Variants in NFIB observed in about 807,000 individuals in gnomAD.
NFIB encodes nuclear factor I B.
In NFIB, 11 loss-of-function variants were observed where a neutral mutation model predicts 61.5. The ratio of observed to expected loss-of-function variants is 0.18; its 90% confidence interval spans 0.11 to 0.30. NFIB has a LOEUF of 0.30. NFIB is among the 10% of genes least tolerant of loss of function. NFIB has a pLI of 1.00. For synonymous variants in NFIB, 260 were observed against 216.5 expected (o/e 1.20, Z -1.76); for missense variants, 471 against 608.9 (o/e 0.77, Z 2.38).
chr9:14,380,435 G>T (rs887784803), intron 1 of NFIB, among the ~76,000 whole-genome samples: 2 of 152,088 alleles, frequency 1.3e-5, no homozygotes, highest in Non-Finnish European at 2.9e-5. Context: ...AAAATGTATC[G>T]GCACAGGTTA....
At chr9:14,272,550 AG>A (rs796895819) in intron 2 of NFIB, among the ~76,000 whole-genome samples, 7 of 152,220 alleles carry the variant, frequency 4.6e-5, no homozygotes, top group African/African-American at 1.7e-4. Flanking sequence ...ATTCTTTTCT[AG>A]CATTTGTGCT....
the NFIB span, among the ~76,000 whole-genome samples, chr9:14,459,123 A>G: frequency 2.0e-5 from 3 of 152,094 alleles, no homozygotes; most frequent in African/African-American, 7.2e-5. Flanking sequence ...ACTATACTAC[A>G]AGGTTACAGT....
the NFIB span, among the ~76,000 whole-genome samples, chr9:14,460,896 A>G: frequency 1.1e-4 from 17 of 151,794 alleles, no homozygotes; most frequent in East Asian, 3.1e-3. Flanking sequence ...TCCTTTCCCT[A>G]TCTTGTTCCA....
chr9:14,441,676 G>C, the NFIB span, among the ~76,000 whole-genome samples: 1 of 151,886 alleles, frequency 6.6e-6, no homozygotes, highest in African/African-American at 2.4e-5. Context: ...GGGGGGTCAA[G>C]ATGGGCTTGA....
the NFIB span, among the ~76,000 whole-genome samples, chr9:14,438,753 C>A: frequency 6.6e-6 from 1 of 152,034 alleles, no homozygotes; most frequent in South Asian, 2.1e-4. Context: ...ACCTCGTGAG[C>A]GGGGGCTGAT....
At chr9:14,456,901 T>A in the NFIB span, among the ~76,000 whole-genome samples, 1 of 152,172 alleles carries the variant, frequency 6.6e-6, no homozygotes, top group African/African-American at 2.4e-5. Flanking sequence ...AAATGCAGAA[T>A]TGTTTGCAAA....
At chr9:14,147,848 C>T (rs1412391165) in intron 5 of NFIB, among the ~76,000 whole-genome samples, 1 of 151,762 alleles carries the variant, frequency 6.6e-6, no homozygotes, top group East Asian at 1.9e-4. Flanking sequence ...TGCTATTTTG[C>T]CCTGGCTGGT....
chr9:14,377,590 G>C (rs1268773802), intron 1 of NFIB, among the ~76,000 whole-genome samples: 1 of 152,196 alleles, frequency 6.6e-6, no homozygotes, highest in Non-Finnish European at 1.5e-5. Flanking sequence ...GAAGCTTTTG[G>C]TAGGGGAAGA....
chr9:14,157,263 C>G (rs1056178111), intron 3 of NFIB, among the ~76,000 whole-genome samples: 2 of 152,176 alleles, frequency 1.3e-5, no homozygotes, highest in African/African-American at 2.4e-5. Flanking sequence ...ATCCGCAAAT[C>G]TTTATTCAGA....
upstream of NFIB, chr9:14,314,277 C>T: frequency 4.0e-6 from 2 of 504,804 alleles, no homozygotes; most frequent in Non-Finnish European, 5.2e-6. Context: ...GCGCGTGGTC[C>T]CCGGCAGCAG....
intron 2 of NFIB, among the ~76,000 whole-genome samples, chr9:14,238,089 G>C (rs2132012461): frequency 6.6e-6 from 1 of 152,098 alleles, no homozygotes; most frequent in South Asian, 2.1e-4. Flanking sequence ...TAGCTGGAGT[G>C]GTAGGAGATT....
intron 1 of NFIB, among the ~76,000 whole-genome samples, chr9:14,350,049 G>C (rs1267257736): frequency 6.6e-6 from 1 of 152,146 alleles, no homozygotes; most frequent in Non-Finnish European, 1.5e-5. Context: ...ACGCACGCAC[G>C]GGTGGGCTTT....
At position 14,304,781 on chromosome 9, in the gene NFIB, G is replaced by A. The variant is rs73641903; in HGVS notation, c.562+2208C>T. Among the ~76,000 whole-genome samples, 144 of 152,248 alleles carry A rather than the reference G, an allele frequency of 9.5e-4. 2 individuals are homozygous for A. The highest frequency in any genetic ancestry group is 3.3e-3 in the African/African-American group (138 of 41,530). On this transcript the variant is annotated intron_variant, in intron 2 of 10. Coordinates refer to ENST00000380953, the MANE Select transcript of NFIB (RefSeq NM_001190737.2). ...GCGATATGCAGCCCTCTAACTGACCGGAGAATTATCTTTTAAAATCTGCCT... is the reference window on the plus strand; with the variant it reads ...GCGATATGCAGCCCTCTAACTGACCAGAGAATTATCTTTTAAAATCTGCCT...
chr9:14,475,375 G>A, the NFIB span, among the ~76,000 whole-genome samples: 1 of 152,202 alleles, frequency 6.6e-6, no homozygotes, highest in African/African-American at 2.4e-5. Context: ...GTGATAAAAT[G>A]AAGAGGCTAT....
At chr9:14,227,993 T>C (rs1235478622) in intron 2 of NFIB, among the ~76,000 whole-genome samples, 1 of 152,184 alleles carries the variant, frequency 6.6e-6, no homozygotes, top group African/African-American at 2.4e-5. Context: ...GTTTTTATTT[T>C]TAACTCATTA....
chr9:14,331,771 C>T (rs772233503), intron 1 of NFIB, among the ~76,000 whole-genome samples: 17 of 152,276 alleles, frequency 1.1e-4, no homozygotes, highest in Non-Finnish European at 1.8e-4. Flanking sequence ...CCCTTACCTT[C>T]GAAAATCATG....
In NFIB at chr9:14,225,474, AAAAAAAG is replaced by A. The variant is rs1450270764; in HGVS notation, c.563-45701_563-45695del. On this transcript the variant is annotated intron_variant, in intron 2 of 10. Transcript: ENST00000380953. Reference sequence around the variant, plus strand: ...TCCGTCTCAAAAAAAAAAAAAAAAAAAAAAAAGAAGAAGAAGAAAATAGGTAATATGA... The same window carrying A: ...TCCGTCTCAAAAAAAAAAAAAAAAAAAAGAAGAAGAAAATAGGTAATATGA... Among the ~76,000 whole-genome samples, 746 of 92,656 alleles carry A rather than the reference AAAAAAAG, an allele frequency of 8.1e-3. 6 individuals are homozygous for A. Among genetic ancestry groups the A allele is most frequent in the South Asian group, 0.031 (72 of 2,320 alleles). The allele number at this position is 92,656 out of a possible 152,430, so 60.8% of individuals were successfully genotyped here.
At chr9:14,464,057 A>G in the NFIB span, among the ~76,000 whole-genome samples, 1 of 152,196 alleles carries the variant, frequency 6.6e-6, no homozygotes, top group Non-Finnish European at 1.5e-5. Context: ...TCAAGAAAAG[A>G]AAAACCACTT....
At chr9:14,513,534 C>T in the NFIB span, among the ~76,000 whole-genome samples, 1 of 149,950 alleles carries the variant, frequency 6.7e-6, no homozygotes, top group Non-Finnish European at 1.5e-5. Flanking sequence ...AGGCTGAGGC[C>T]AGAGAATTGC....
Sources: allele counts gnomAD v4.1 joint callset (sites outside exome capture counted in the v4.1 genomes callset), GRCh38; gene constraint gnomAD v4.1.1; transcripts MANE v1.5; gene names NCBI Gene and HGNC (gene_info 2026-07-23, HGNC 2026-07-21).